GSN: variants seen among roughly 807,000 people sequenced by gnomAD.
GSN encodes the protein actin-depolymerizing factor.
Under a neutral mutation model 85.7 loss-of-function variants are expected in GSN, and 56 were observed. That is an observed-to-expected ratio of 0.65 (90% CI 0.53 to 0.82). GSN has a LOEUF of 0.82. GSN is among the 40% of genes least tolerant of loss of function. The pLI is 0.00. For synonymous variants in GSN, 373 were observed against 399.1 expected (o/e 0.93, Z 0.78); for missense variants, 857 against 979.8 (o/e 0.87, Z 1.67).
exon 5 of GSN, chr9:121,231,271 C>G (rs1249993314): frequency 6.6e-6 from 1 of 152,182 alleles, no homozygotes; most frequent in African/African-American, 2.4e-5. Context: ...AACGGCATTC[C>G]TTCCATGGAA....
intron 17 of GSN, 51 bp downstream of exon 17, chr9:121,331,499 G>T (rs1389955918): frequency 1.9e-6 from 2 of 1,059,444 alleles, no homozygotes; most frequent in East Asian, 2.5e-5. Context: ...TGCTTGTGGG[G>T]TGCTGGGAGT....
intron 6 of GSN, among the ~76,000 whole-genome samples, chr9:121,254,897 G>A (rs530198020): frequency 7.3e-4 from 111 of 152,106 alleles, no homozygotes; most frequent in African/African-American, 2.5e-3. Flanking sequence ...CCTTACAAAA[G>A]TATTTTACGT....
intron 12 of GSN, 106 bp downstream of exon 12, chr9:121,324,750 T>TCC: frequency 4.4e-6 from 3 of 678,848 alleles, no homozygotes; most frequent in South Asian, 3.0e-5. Context: ...TCTGTCTGTC[T>TCC]GTCCATCCAT....
chr9:121,234,199 C>T (rs570925512), intron 5 of GSN, among the ~76,000 whole-genome samples: 3 of 152,300 alleles, frequency 2.0e-5, no homozygotes, highest in Admixed American at 6.5e-5. Context: ...ATGTATCTCA[C>T]GGCCGTGCCT....
rs2061063877 is a variant in GSN at position 121,310,993 on chromosome 9, CAA to C, written c.513+150_513+151del. 4.2e-6 allele frequency: 3 copies of C among 714,570 alleles called. No homozygotes were observed. In the Admixed American group the frequency reaches 6.4e-5, roughly 15 times the overall value. The allele number at this position is 714,570 out of a possible 1,614,324, so 44.3% of individuals were successfully genotyped here. On this transcript the variant is annotated intron_variant, in intron 5 of 17. Transcript: ENST00000432226. ...GTTCACGTACAGATATGTCTGTATG[CAA>C]AGACTCCCACAAATGTAGACTCACA...
upstream of GSN, among the ~76,000 whole-genome samples, chr9:121,264,952 T>C (rs1368260280): frequency 6.6e-6 from 1 of 152,226 alleles, no homozygotes; most frequent in East Asian, 1.9e-4. Context: ...GCTTGTGTGA[T>C]GTGAGCAGAC....
rs1168268580 is a variant in GSN at position 121,228,183 on chromosome 9, AGCATGCCTTCCTCCTCCTTC to A, written c.-527-2981_-527-2962del. ...AATGTCTACCTCCATTATCTTAGGA[AGCATGCCTTCCTCCTCCTTC>A]TGTCCCCAGCTCCTAGCACAGACCC... On this transcript the variant is annotated intron_variant, in intron 4 of 24. Transcript: ENST00000373823. Among the ~76,000 whole-genome samples the A allele has an allele frequency of 7.9e-5, 12 of 152,002 alleles. No individual in the cohort carries two copies. The South Asian group carries it at 2.1e-3, about 26-fold the overall frequency.
chr9:121,291,230 C>G (rs2058652835), intron 2 of GSN, among the ~76,000 whole-genome samples: 1 of 151,834 alleles, frequency 6.6e-6, no homozygotes, highest in African/African-American at 2.4e-5. Context: ...TATAAGTAAT[C>G]TAGAGAGATT....
intron 6 of GSN, 84 bp downstream of exon 6, chr9:121,312,572 T>C: frequency 7.5e-6 from 8 of 1,072,272 alleles, no homozygotes; most frequent in Non-Finnish European, 1.0e-5. Context: ...TTGAGGTGAA[T>C]TTGAGGAAAA....
intron 4 of GSN, among the ~76,000 whole-genome samples, chr9:121,221,182 C>T (rs1241380184): frequency 6.6e-6 from 1 of 152,224 alleles, no homozygotes; most frequent in East Asian, 1.9e-4. Context: ...TCAACCTTTC[C>T]ATGATGCCAC....
chr9:121,229,601 T>C (rs1008124706), intron 4 of GSN, among the ~76,000 whole-genome samples: 2 of 152,230 alleles, frequency 1.3e-5, no homozygotes, highest in African/African-American at 2.4e-5. Context: ...GATTAAGTTA[T>C]ACATTTTTGG....
At position 121,281,578 on chromosome 9, in the gene GSN, C is replaced by T. The variant is rs1438937347; in HGVS notation, c.-10+16C>T. 6.4e-6 allele frequency: 3 copies of T among 468,556 alleles called. No homozygotes were observed. The highest frequency in any genetic ancestry group is 3.1e-5 in the South Asian group (2 of 64,160). 29.0% of individuals were successfully genotyped at this position (468,556 alleles called of 1,614,324 possible). ...GCCTTGTTAGGTAGGTAGAGCAATA[C>T]AGACACCTGTCGTCCTCTTAAACCC... On this transcript the variant is annotated intron_variant, in intron 2 of 17. Transcript: ENST00000432226.
Position 121,282,470 on chromosome 9 carries a change from C to T in GSN, c.-10+908C>T, listed in dbSNP as rs145775883. The T allele has an allele frequency of 3.6e-4, 451 of 1,267,542 alleles. 3 individuals carry two copies. The highest frequency in any genetic ancestry group is 1.1e-3 in the South Asian group (29 of 27,604). The allele number at this position is 1,267,542 out of a possible 1,614,324, so 78.5% of individuals were successfully genotyped here. On this transcript the variant is annotated intron_variant, in intron 2 of 17. Transcript: ENST00000432226. ...GGGATGAATGAATACAGGACTTACG[C>T]GTCTGCTGTGGCCCAGCTGGCTTCC...
intron 1 of GSN, among the ~76,000 whole-genome samples, chr9:121,277,392 T>C (rs1037259558): frequency 2.0e-5 from 3 of 152,240 alleles, no homozygotes; most frequent in African/African-American, 7.2e-5. Context: ...CCTGAGGCTC[T>C]GCATTTCTAG....
intron 1 of GSN, among the ~76,000 whole-genome samples, chr9:121,269,161 G>A (rs2055529976): frequency 6.6e-6 from 1 of 152,172 alleles, no homozygotes; most frequent in African/African-American, 2.4e-5. Flanking sequence ...GGGCCTCTGG[G>A]GAGGTGCCTT....
intron 6 of GSN, among the ~76,000 whole-genome samples, chr9:121,254,027 C>T (rs2054894627): frequency 6.6e-6 from 1 of 152,146 alleles, no homozygotes; most frequent in Non-Finnish European, 1.5e-5. Context: ...TTCCTTCTTT[C>T]TCTCTACCAG....
intron 1 of GSN, among the ~76,000 whole-genome samples, chr9:121,268,700 G>A (rs1000315341): frequency 1.8e-4 from 28 of 152,180 alleles, no homozygotes; most frequent in African/African-American, 6.5e-4. Flanking sequence ...TCTGGGGACT[G>A]TTAGAAAGTT....
At position 121,321,297 on chromosome 9, in the gene GSN, G is replaced by A. The variant is rs111273576; in HGVS notation, c.1221G>A (p.Val407=). 19 of 1,613,948 alleles carry A rather than the reference G, an allele frequency of 1.2e-5. No individual in the cohort carries two copies. The African/African-American group carries it at 1.2e-4, about 10-fold the overall frequency. ...QIWRIEGSNK[V]PVDPATYGQF... ...GGAGAATCGAAGGTTCCAACAAGGT[G>A]CCCGTGGACCCTGCCACATATGGAC... Residue 407 remains valine (V), a synonymous_variant, in exon 11 of 18, where the codon GTG becomes GTA. Coordinates refer to ENST00000432226, the MANE Select transcript of GSN (RefSeq NM_198252.3).
rs892574455 is a variant in GSN, at chr9:121,228,248, A to T, written c.-527-2917A>T. 2.6e-5 allele frequency among the ~76,000 whole-genome samples: 4 copies of T among 151,934 alleles called. No individual in the cohort carries two copies. The South Asian group carries it at 8.3e-4, about 32-fold the overall frequency. On this transcript the variant is annotated intron_variant, in intron 4 of 24. Transcript: ENST00000373823. ...AGACCCTGCACACCCGAGGTGCTGC[A>T]GAGAGCACATTTGTTGAATGAATCA... is the stretch of plus-strand genomic sequence containing the variant.
Sources: gnomAD v4.1 joint callset for allele counts (sites outside exome capture counted in the v4.1 genomes callset) on GRCh38, gnomAD v4.1.1 for gene constraint, MANE v1.5 for transcripts, NCBI Gene and HGNC (gene_info 2026-07-23, HGNC 2026-07-21) for gene names.